Variants in TASP1 observed in about 807,000 individuals in gnomAD.
TASP1 encodes threonine aspartase 1.
Under a neutral mutation model 56.6 loss-of-function variants are expected in TASP1, and 16 were observed. The ratio of observed to expected loss-of-function variants is 0.28; its 90% CI spans 0.19 to 0.43. The LOEUF is 0.43. Ranked by LOEUF, TASP1 falls within the 20% of genes least tolerant of loss-of-function variation. The probability of loss-of-function intolerance (pLI) is 1.00; values close to 1 mark genes in which losing one functional copy is unlikely to be tolerated. For missense variants in TASP1, 393 were observed against 511.6 expected, an observed-to-expected ratio of 0.77 and a Z score of 2.24; for synonymous variants, 179 against 184.2, an observed-to-expected ratio of 0.97 and a Z score of 0.23.
At chr20:13,284,453 G>C in the TASP1 span, among the ~76,000 whole-genome samples, 1 of 152,144 alleles carries the variant, frequency 6.6e-6, no homozygotes, top group African/African-American at 2.4e-5. Flanking sequence ...GTTTTTTCCT[G>C]CCGTTGTCAT....
the TASP1 span, among the ~76,000 whole-genome samples, chr20:13,364,542 CAGAT>C: frequency 6.6e-6 from 1 of 152,202 alleles, no homozygotes; most frequent in South Asian, 2.1e-4. Context: ...CAAAGATAGA[CAGAT>C]AGTCAAGGTC....
chr20:13,199,814 A>G, the TASP1 span, among the ~76,000 whole-genome samples: 1 of 152,202 alleles, frequency 6.6e-6, no homozygotes, highest in African/African-American at 2.4e-5. Flanking sequence ...TTACAGGTCA[A>G]GTCATGGCTT....
intron 11 of TASP1, among the ~76,000 whole-genome samples, chr20:13,463,850 A>G (rs1435735552): frequency 2.0e-5 from 3 of 152,172 alleles, no homozygotes; most frequent in Non-Finnish European, 4.4e-5. Flanking sequence ...GAAAAAACCC[A>G]GAAAATAACA....
the TASP1 span, among the ~76,000 whole-genome samples, chr20:13,111,036 G>T: frequency 6.6e-6 from 1 of 151,984 alleles, no homozygotes; most frequent in Non-Finnish European, 1.5e-5. Context: ...TGGATAATGA[G>T]CAGCAGCAGA....
At chr20:13,532,087 T>C (rs1193379208) in intron 9 of TASP1, among the ~76,000 whole-genome samples, 1 of 152,156 alleles carries the variant, frequency 6.6e-6, no homozygotes, top group Non-Finnish European at 1.5e-5. Context: ...TCACCTTCTC[T>C]ACTTCTCTAT....
chr20:13,327,135 T>C, the TASP1 span, among the ~76,000 whole-genome samples: 2 of 152,282 alleles, frequency 1.3e-5, no homozygotes, highest in East Asian at 3.9e-4. Flanking sequence ...AAAATCAACG[T>C]GCAAAAATCA....
chr20:13,512,358 G>A (rs534249826), intron 10 of TASP1, among the ~76,000 whole-genome samples: 4 of 152,108 alleles, frequency 2.6e-5, no homozygotes, highest in Non-Finnish European at 5.9e-5. Context: ...GATAAGCAGT[G>A]ATGATGAGCA....
chr20:13,525,056 C>A (rs1353851620), intron 10 of TASP1, among the ~76,000 whole-genome samples: 1 of 152,112 alleles, frequency 6.6e-6, no homozygotes, highest in Non-Finnish European at 1.5e-5. Flanking sequence ...AACCACCATG[C>A]ATTAAGTGAT....
the TASP1 span, among the ~76,000 whole-genome samples, chr20:13,115,716 G>A: frequency 5.2e-4 from 79 of 152,182 alleles, no homozygotes; most frequent in African/African-American, 1.9e-3. Context: ...GTTAGGACTC[G>A]TTGCAACCAT....
At chr20:13,314,138 A>T in the TASP1 span, among the ~76,000 whole-genome samples, 1 of 152,184 alleles carries the variant, frequency 6.6e-6, no homozygotes, top group African/African-American at 2.4e-5. Context: ...AGACTTAGAG[A>T]CAACTATGAA....
intron 13 of TASP1, among the ~76,000 whole-genome samples, chr20:13,413,781 C>A (rs2042166428): frequency 6.6e-6 from 1 of 152,060 alleles, no homozygotes; most frequent in African/African-American, 2.4e-5. Flanking sequence ...TCTATACATC[C>A]TTTACCAAGG....
chr20:13,570,183 G>T (rs2046664202), intron 6 of TASP1, among the ~76,000 whole-genome samples: 1 of 152,076 alleles, frequency 6.6e-6, no homozygotes, highest in Non-Finnish European at 1.5e-5. Flanking sequence ...ATATAACAAA[G>T]TGGATAAAAG....
chr20:13,302,881 C>A, the TASP1 span, among the ~76,000 whole-genome samples: 2 of 152,120 alleles, frequency 1.3e-5, no homozygotes, highest in Non-Finnish European at 2.9e-5. Context: ...GCTTTCTCTT[C>A]GGACCCAGTT....
chr20:13,242,096 T>C, the TASP1 span, among the ~76,000 whole-genome samples: 7 of 152,250 alleles, frequency 4.6e-5, no homozygotes, highest in East Asian at 7.7e-4. Flanking sequence ...GAATGGAAAG[T>C]GTCTTTATGT....
chr20:13,295,974 C>G, the TASP1 span, among the ~76,000 whole-genome samples: 7 of 152,346 alleles, frequency 4.6e-5, no homozygotes, highest in African/African-American at 1.7e-4. Context: ...TCAGGAGCAA[C>G]CTGGTGTCAC....
At chr20:13,427,017 T>C (rs575705104) in intron 12 of TASP1, among the ~76,000 whole-genome samples, 1 of 152,298 alleles carries the variant, frequency 6.6e-6, no homozygotes, top group East Asian at 1.9e-4. Context: ...TAATTTGTGT[T>C]CTCTTTGATG....
At chr20:13,190,284 A>G in the TASP1 span, among the ~76,000 whole-genome samples, 2 of 152,162 alleles carry the variant, frequency 1.3e-5, no homozygotes, top group Admixed American at 6.5e-5. Context: ...CTTGCATGTA[A>G]AAGAAAAGAA....
the TASP1 span, among the ~76,000 whole-genome samples, chr20:13,252,203 C>G: frequency 6.6e-6 from 1 of 152,160 alleles, no homozygotes; most frequent in Non-Finnish European, 1.5e-5. Context: ...CGAGCAAGTG[C>G]ACAAGGGAGA....
chr20:13,176,884 C>T, the TASP1 span, among the ~76,000 whole-genome samples: 1 of 151,936 alleles, frequency 6.6e-6, no homozygotes, highest in East Asian at 1.9e-4. Context: ...CAATAGAATA[C>T]CAAGAAATAA....
Sources: allele counts gnomAD v4.1 joint callset (sites outside exome capture counted in the v4.1 genomes callset), GRCh38; gene constraint gnomAD v4.1.1; transcripts MANE v1.5; gene names NCBI Gene and HGNC (gene_info 2026-07-23, HGNC 2026-07-21).